Variants in MORN1 observed in about 807,000 individuals in gnomAD.
The protein encoded by MORN1 is MORN repeat-containing protein 1.
A neutral mutation model predicts 61.9 loss-of-function variants in MORN1; 67 were observed. That is an observed-to-expected ratio of 1.08 (90% CI 0.89 to 1.33). The LOEUF is 1.33. Among genes scored for constraint, MORN1 ranks in the 40% most tolerant of loss-of-function variants. MORN1 has a pLI of 0.00. For synonymous variants in MORN1, 301 were observed against 292.0 expected (o/e 1.03, Z -0.31); for missense variants, 752 against 691.2 (o/e 1.09, Z -0.99).
rs370816552 is a variant in MORN1 at position 2,335,191 on chromosome 1, C to T, written c.1250+1278G>A. On this transcript the variant is annotated intron_variant, in intron 12 of 13. Coordinates refer to ENST00000378531, the MANE Select transcript of MORN1 (RefSeq NM_024848.3). ...TGCCAGCACCTTGGCAGCCCCCGAG[C>T]GTTCCCCACGAGGGGCCTCACTGCA... Among the ~76,000 whole-genome samples, 139 of 152,378 alleles carry T rather than the reference C, an allele frequency of 9.1e-4. 4 individuals are homozygous for T. The East Asian group carries it at 0.021, about 23-fold the overall frequency.
intron 8 of MORN1, among the ~76,000 whole-genome samples, chr1:2,362,554 C>T (rs1347607673): frequency 6.6e-6 from 1 of 152,102 alleles, no homozygotes; most frequent in Non-Finnish European, 1.5e-5. Flanking sequence ...TCAAGTAGCC[C>T]AATCATGGGT....
intron 6 of MORN1, chr1:2,374,817 G>A (rs1260176323): frequency 2.6e-6 from 1 of 391,234 alleles, no homozygotes; most frequent in South Asian, 4.9e-5. Context: ...CAACGGCACA[G>A]TATATAAAAT....
Position 2,378,520 on chromosome 1 carries a change from G to A in MORN1, c.538-3963C>T, listed in dbSNP as rs1221977264. The A allele has an allele frequency of 2.8e-5, 5 of 181,380 alleles. No individual in the cohort carries two copies. In the South Asian group the frequency reaches 5.9e-4, roughly 21 times the overall value. The allele number at this position is 181,380 out of a possible 1,614,324, so 11.2% of individuals were successfully genotyped here. A position where few individuals can be genotyped will look rare whatever the true frequency, so the allele number is the denominator to read the frequency against. On this transcript the variant is annotated intron_variant, in intron 6 of 13. Coordinates refer to ENST00000378531, the MANE Select transcript of MORN1 (RefSeq NM_024848.3). ...AGGCTCGGGGACTGCGGCAGGCAAA[G>A]CCGCCCAGAAGGAGCCACCTGCTCC...
Position 2,321,533 on chromosome 1 carries a change from C to T in MORN1, c.1344G>A (p.Leu448=), listed in dbSNP as rs1402316229. 1.6e-5 allele frequency: 24 copies of T among 1,534,762 alleles called. No homozygotes were observed. Among genetic ancestry groups the T allele is most frequent in the Non-Finnish European group, 2.0e-5 (23 of 1,139,930 alleles). Residue 448 remains leucine, a synonymous_variant, in exon 14 of 14, where the codon CTG becomes CTA. Transcript: ENST00000378531. The stretch of plus-strand genomic sequence containing the variant: ...TGAAGGCCGGGGGCAGCCTGCGCCC[C>T]AGGAACGGCGGGGTGGTCACGTCGC... ...MIRDVTTPPF[L]GRRLPPAFKH...
chr1:2,339,482 C>G (rs1641349753), intron 10 of MORN1, among the ~76,000 whole-genome samples: 1 of 152,206 alleles, frequency 6.6e-6, no homozygotes, highest in Non-Finnish European at 1.5e-5. Context: ...GCCAGGTGCT[C>G]AAGCTGAAAG....
intron 10 of MORN1, among the ~76,000 whole-genome samples, chr1:2,342,840 A>ATATTTTATTTTATTT (rs768672830): frequency 0.017 from 1,750 of 101,858 alleles, 50 homozygotes; most frequent in South Asian, 0.027. Flanking sequence ...ATTTTATTTT[A>ATATTTTATTTTATTT]TATTTTATTT....
chr1:2,358,373 A>T (rs870207), intron 9 of MORN1, among the ~76,000 whole-genome samples: 32,683 of 152,024 alleles, frequency 0.21, 4,281 homozygotes, highest in East Asian at 0.37. Context: ...AGGGGCTCTG[A>T]CCAGGGGCTC....
At chr1:2,340,325 G>A (rs1641368753) in intron 10 of MORN1, among the ~76,000 whole-genome samples, 1 of 152,136 alleles carries the variant, frequency 6.6e-6, no homozygotes, top group Non-Finnish European at 1.5e-5. Flanking sequence ...GCCCCCTCAT[G>A]CTGTGTCCTG....
intron 8 of MORN1, among the ~76,000 whole-genome samples, chr1:2,369,005 T>C (rs1324316306): frequency 6.8e-6 from 1 of 147,964 alleles, no homozygotes; most frequent in Non-Finnish European, 1.5e-5. Context: ...TGCAGTGAGC[T>C]GAGATTGCAC....
At chr1:2,361,332 A>AG (rs59328016) in intron 8 of MORN1, among the ~76,000 whole-genome samples, 78,938 of 151,936 alleles carry the variant, frequency 0.52, 22,094 homozygotes, top group African/African-American at 0.74. Flanking sequence ...CAAGGTTGGC[A>AG]GATCACCTGA....
At chr1:2,348,729 ACGCACACCTGCGCGGG>A (rs1343742972) in intron 10 of MORN1, among the ~76,000 whole-genome samples, 8 of 138,622 alleles carry the variant, frequency 5.8e-5, no homozygotes, top group African/African-American at 2.0e-4. Flanking sequence ...GGGCACGCAC[ACGCACACCTGCGCGGG>A]CACGCACACA....
At chr1:2,388,772 T>C (rs1435540509) in intron 2 of MORN1, among the ~76,000 whole-genome samples, 14 of 70,582 alleles carry the variant, frequency 2.0e-4, no homozygotes, top group African/African-American at 7.3e-4. Flanking sequence ...AGCAAGACTG[T>C]CTCAAAAAAA....
intron 10 of MORN1, chr1:2,352,802 T>C (rs1457506186): frequency 6.6e-6 from 1 of 152,268 alleles, no homozygotes; most frequent in Non-Finnish European, 1.5e-5. Flanking sequence ...TGTTGGATTA[T>C]CTTCTGGCCT....
Position 2,389,940 on chromosome 1 carries a change from C to T in MORN1, c.133G>A (p.Ala45Thr), listed in dbSNP as rs750152580. The change falls in exon 2 of 14, where the codon GCA becomes ACA. Residue 45 changes from alanine (A) to threonine (T), a missense_variant. Transcript: ENST00000378531. ...TGCTTCTCACCGTGCTTCCTCCCTG[C>T]TTTCCATTCTCCTTCATATCGAAAG... Reference protein sequence around the residue: ...SFFRYEGEWKAGRKHGHGKLL... With the variant: ...SFFRYEGEWKTGRKHGHGKLL... 11 of 1,614,112 alleles carry T rather than the reference C, an allele frequency of 6.8e-6. No individual in the cohort carries two copies. The African/African-American group carries it at 1.3e-4, about 20-fold the overall frequency.
intron 12 of MORN1, among the ~76,000 whole-genome samples, chr1:2,328,538 C>G (rs781345784): frequency 3.3e-5 from 5 of 152,160 alleles, no homozygotes; most frequent in African/African-American, 1.2e-4. Flanking sequence ...TGGCCGGGTG[C>G]GGCTTTCAGA....
rs548710824 is a variant in MORN1, at chr1:2,323,651, C to T, written c.1297+446G>A. 6 of 984,652 alleles carry T rather than the reference C, an allele frequency of 6.1e-6. No individual in the cohort carries two copies. The African/African-American group carries it at 8.7e-5, about 14-fold the overall frequency. The allele number at this position is 984,652 out of a possible 1,614,324, so 61.0% of individuals were successfully genotyped here. On this transcript the variant is annotated intron_variant, in intron 13 of 13. Coordinates refer to ENST00000378531, the MANE Select transcript of MORN1 (RefSeq NM_024848.3). ...TCGCTGCACCCCTCCTTGCTGTCCC[C>T]ACAGCAGCCCCCACGCTGGGAGGAG...
intron 12 of MORN1, among the ~76,000 whole-genome samples, chr1:2,331,770 T>G (rs956942203): frequency 1.3e-5 from 2 of 152,074 alleles, no homozygotes; most frequent in African/African-American, 4.8e-5. Context: ...GCATGCGCCG[T>G]CCTTCTTATG....
intron 12 of MORN1, among the ~76,000 whole-genome samples, chr1:2,329,745 C>T (rs1641106966): frequency 6.6e-6 from 1 of 152,212 alleles, no homozygotes; most frequent in South Asian, 2.1e-4. Flanking sequence ...TCACGTGGGC[C>T]CCTTTGGGTC....
chr1:2,348,659 GCACGCA>G (rs146296993), intron 10 of MORN1, among the ~76,000 whole-genome samples: 53 of 125,958 alleles, frequency 4.2e-4, no homozygotes, highest in Non-Finnish European at 8.0e-4. Flanking sequence ...ACGCACACAC[GCACGCA>G]CACGCACACC....
Sources: allele counts gnomAD v4.1 joint callset (sites outside exome capture counted in the v4.1 genomes callset), GRCh38; gene constraint gnomAD v4.1.1; transcripts MANE v1.5; gene names NCBI Gene and HGNC (gene_info 2026-07-23, HGNC 2026-07-21).